Variants in MX2 observed in about 807,000 individuals in gnomAD.
MX2 encodes the protein MX dynamin like GTPase 2.
Under a neutral mutation model 74.0 loss-of-function variants are expected in MX2, and 51 were observed. That is an observed-to-expected ratio of 0.69 (90% CI 0.55 to 0.87). MX2 has a LOEUF of 0.87. Among genes scored for constraint, MX2 ranks in the 40% least tolerant of loss-of-function variants. The pLI is 0.00. For synonymous variants in MX2, 369 were observed against 339.3 expected, an observed-to-expected ratio of 1.09 and a Z score of -0.96; for missense variants, 832 against 908.7, an observed-to-expected ratio of 0.92 and a Z score of 1.09.
intron 3 of MX2, 140 bp downstream of exon 3, chr21:41,378,121 G>A (rs1228220473): frequency 1.7e-5 from 19 of 1,104,608 alleles, no homozygotes; most frequent in African/African-American, 8.1e-5. Flanking sequence ...GAGAGAGGCC[G>A]CTGAGAGAGA....
At position 41,377,136 on chromosome 21, in the gene MX2, G is replaced by A. The variant is rs2089416452; in HGVS notation, c.230G>A (p.Arg77Lys). The change falls in exon 2 of 14, where the codon AGG (arginine) becomes AAG (lysine). Residue 77 changes from arginine to lysine, a missense_variant. By Grantham distance (26) the Arg-to-Lys change is conservative (BLOSUM62 2). Transcript: ENST00000330714. ...AACAATCAGCCACCACCAGGAAACA[G>A]GAGCCAACCAAGGGCAATGGTAAGC... ...TLNNQPPPGN[R>K]SQPRAMGPEN... 1.2e-6 allele frequency: 2 copies of A among 1,614,052 alleles called. No individual in the cohort carries two copies. The highest frequency in any genetic ancestry group is 1.7e-6 in the Non-Finnish European group (2 of 1,180,034).
intron 3 of MX2, 61 bp downstream of exon 3, chr21:41,378,042 T>C: frequency 6.5e-7 from 1 of 1,547,962 alleles, no homozygotes; most frequent in South Asian, 1.2e-5. Flanking sequence ...GCCACAAAGC[T>C]TCCCCAGGCA....
chr21:41,405,457 G>A (rs534554250), intron 12 of MX2, among the ~76,000 whole-genome samples: 2 of 151,924 alleles, frequency 1.3e-5, no homozygotes, highest in African/African-American at 2.4e-5. Context: ...TTCAGGTTGC[G>A]GATGGCCACC....
Position 41,408,355 on chromosome 21 carries a change from C to T in MX2, c.*122C>T. 1.5e-6 allele frequency: 2 copies of T among 1,325,488 alleles called. No individual in the cohort carries two copies. The highest frequency in any genetic ancestry group is 2.1e-6 in the Non-Finnish European group (2 of 973,368). 82.1% of individuals were successfully genotyped at this position (1,325,488 alleles called of 1,614,324 possible). A position where few individuals can be genotyped will look rare whatever the true frequency, so the allele number is the denominator to read the frequency against. On this transcript the variant is annotated 3_prime_UTR_variant, in exon 14 of 14. Transcript: ENST00000330714. ...CTGTCACTATCAGTGTCCATCTCTA[C>T]TGTACTCCCTCAGCATCAGAGCATG... is the stretch of plus-strand genomic sequence containing the variant.
chr21:41,394,605 C>A (rs2089707412), intron 6 of MX2, among the ~76,000 whole-genome samples: 1 of 152,072 alleles, frequency 6.6e-6, no homozygotes, highest in Non-Finnish European at 1.5e-5. Flanking sequence ...GAATAGTAGA[C>A]CAGATAGCCA....
chr21:41,386,976 A>G (rs2089587388), intron 5 of MX2, among the ~76,000 whole-genome samples: 1 of 151,750 alleles, frequency 6.6e-6, no homozygotes, highest in South Asian at 2.1e-4. Context: ...TCAGGCTGCT[A>G]AAAACCTAAA....
intron 1 of MX2, among the ~76,000 whole-genome samples, chr21:41,372,676 T>C (rs536357696): frequency 6.6e-6 from 1 of 152,226 alleles, no homozygotes; most frequent in Non-Finnish European, 1.5e-5. Flanking sequence ...ATTTTTGATG[T>C]GAACAATCAC....
At chr21:41,383,212 T>C (rs2089521888) in intron 5 of MX2, among the ~76,000 whole-genome samples, 1 of 152,052 alleles carries the variant, frequency 6.6e-6, no homozygotes, top group Admixed American at 6.5e-5. Context: ...TAAACAAAAT[T>C]AGCCGGGTGC....
chr21:41,400,317 T>A (rs1333184983), intron 10 of MX2, among the ~76,000 whole-genome samples: 2 of 152,066 alleles, frequency 1.3e-5, no homozygotes, highest in Non-Finnish European at 2.9e-5. Flanking sequence ...GAAGTAGCAG[T>A]TTTTTAACTG....
At position 41,380,277 on chromosome 21, in the gene MX2, T is replaced by A; in HGVS notation, c.577+126T>A. 7.5e-7 allele frequency: 1 copy of A among 1,336,636 alleles called. No homozygotes were observed. Among genetic ancestry groups the A allele is most frequent in the Non-Finnish European group, 1.0e-6 (1 of 974,636 alleles). The allele number at this position is 1,336,636 out of a possible 1,614,324, so 82.8% of individuals were successfully genotyped here. On this transcript the variant is annotated intron_variant, in intron 4 of 13. Coordinates refer to ENST00000330714, the MANE Select transcript of MX2 (RefSeq NM_002463.2). This position sits in a 1 kb window ranked among gnomAD's most constrained non-coding sequence, Gnocchi z 4.3. ...GCTCCTAGCCCCATGTGCTCCCACA[T>A]GGGGCTGAACCCATTGCTGTCACCT... is the stretch of plus-strand genomic sequence containing the variant.
chr21:41,379,018 C>T (rs1289710809), intron 3 of MX2, among the ~76,000 whole-genome samples: 1 of 152,204 alleles, frequency 6.6e-6, no homozygotes, highest in Non-Finnish European at 1.5e-5. Flanking sequence ...CTGCACAGCC[C>T]CCTGCAACAA....
chr21:41,385,007 C>T (rs1209879447), intron 5 of MX2, among the ~76,000 whole-genome samples: 3 of 152,200 alleles, frequency 2.0e-5, no homozygotes, highest in African/African-American at 4.8e-5. Flanking sequence ...TCCCTGTTAA[C>T]ATGGAGTATA....
chr21:41,375,090 T>C (rs1243749377), intron 1 of MX2, among the ~76,000 whole-genome samples: 1 of 152,166 alleles, frequency 6.6e-6, no homozygotes, highest in Non-Finnish European at 1.5e-5. Context: ...GGTCCCCACT[T>C]CCTCCAAGCC....
chr21:41,370,756 C>A (rs999839384), intron 1 of MX2: 1 of 152,198 alleles, frequency 6.6e-6, no homozygotes, highest in Non-Finnish European at 1.5e-5. Context: ...CAGACCGCGG[C>A]CATGCGGGTT....
intron 5 of MX2, among the ~76,000 whole-genome samples, chr21:41,386,814 A>T (rs1166173745): frequency 1.3e-5 from 2 of 152,204 alleles, no homozygotes; most frequent in East Asian, 1.9e-4. Context: ...TGCTTGGCTC[A>T]GGAGCCTGAA....
chr21:41,407,517 T>C (rs979597325), intron 13 of MX2, among the ~76,000 whole-genome samples: 1 of 152,018 alleles, frequency 6.6e-6, no homozygotes, highest in African/African-American at 2.4e-5. Flanking sequence ...GAAGAAAAAA[T>C]AGCTTTTAAA....
rs2089722577 is a variant in MX2 at position 41,395,536 on chromosome 21, G to GT, written c.872-48dup. 3 of 1,588,954 alleles carry GT rather than the reference G, an allele frequency of 1.9e-6. No individual in the cohort carries two copies. In the Admixed American group the frequency reaches 5.0e-5, roughly 27 times the overall value. On this transcript the variant is annotated intron_variant, in intron 6 of 13. Transcript: ENST00000330714. Reference sequence around the variant, plus strand: ...CCATAGTCCAGTAGGAGTCAAACCTGTTTGAGGGGATCACTGACCTTTCCA... The same window carrying GT: ...CCATAGTCCAGTAGGAGTCAAACCTGTTTTGAGGGGATCACTGACCTTTCCA...
rs769778692 is a variant in MX2 at position 41,395,667 on chromosome 21, C to T, written c.952C>T (p.Leu318Phe). 3 of 1,614,200 alleles carry T rather than the reference C, an allele frequency of 1.9e-6. No individual in the cohort carries two copies. In the South Asian group the frequency reaches 3.3e-5, roughly 18 times the overall value. The change falls in exon 7 of 14, where the codon CTC becomes TTC. Residue 318 changes from leucine (L) to phenylalanine (F), a missense_variant. Leu to Phe is a conservative substitution (Grantham distance 22). Coordinates refer to ENST00000330714, the MANE Select transcript of MX2 (RefSeq NM_002463.2). Reference sequence around the variant, plus strand: ...TGTGGTGCGGAACCTCACGTACCCCCTCAAGAAGGGCTACATGATTGTGAA... The same window carrying T: ...TGTGGTGCGGAACCTCACGTACCCCTTCAAGAAGGGCTACATGATTGTGAA... ...MNVVRNLTYPLKKGYMIVKCR... is the reference protein window; with the variant it reads ...MNVVRNLTYPFKKGYMIVKCR...
At chr21:41,374,040 T>A (rs1481782315) in intron 1 of MX2, 1 of 152,484 alleles carries the variant, frequency 6.6e-6, no homozygotes, top group African/African-American at 2.4e-5. Context: ...TAGTGTCCCC[T>A]CCACAGAGAC....
Sources: gnomAD v4.1 joint callset for allele counts (sites outside exome capture counted in the v4.1 genomes callset) on GRCh38, gnomAD v4.1.1 for gene constraint, Gnocchi (gnomAD v3.1) non-coding constraint, MANE v1.5 for transcripts, NCBI Gene and HGNC (gene_info 2026-07-23, HGNC 2026-07-21) for gene names.